ZNF385D: variants seen among roughly 807,000 people sequenced by gnomAD.
The protein encoded by ZNF385D is zinc finger protein 385D.
Under a neutral mutation model 35.8 loss-of-function variants are expected in ZNF385D, and 15 were observed. The ratio of observed to expected loss-of-function variants is 0.42; its 90% CI spans 0.28 to 0.64. The LOEUF is 0.64. Among genes scored for constraint, ZNF385D ranks in the 30% least tolerant of loss-of-function variants. The pLI is 0.23. For missense variants in ZNF385D, 474 were observed against 494.6 expected (o/e 0.96, Z 0.39); for synonymous variants, 212 against 186.8 (o/e 1.13, Z -1.10).
intron 3 of ZNF385D, among the ~76,000 whole-genome samples, chr3:22,026,252 T>C (rs140622911): frequency 6.6e-6 from 1 of 152,170 alleles, no homozygotes; most frequent in African/African-American, 2.4e-5. Context: ...ATTTCAAGAC[T>C]TGACCCAGTT....
At chr3:21,939,822 AG>A (rs1701429893) in intron 3 of ZNF385D, among the ~76,000 whole-genome samples, 1 of 152,206 alleles carries the variant, frequency 6.6e-6, no homozygotes. Context: ...TATCATTGGA[AG>A]GGAAGGCCTC....
At chr3:21,444,380 T>G (rs957179042) in intron 4 of ZNF385D, among the ~76,000 whole-genome samples, 1 of 44,698 alleles carries the variant, frequency 2.2e-5, no homozygotes, top group African/African-American at 9.5e-5. Context: ...GCACCCGGCC[T>G]TTTTTTGTTT....
chr3:21,755,305 G>T (rs2070291411), upstream of ZNF385D, among the ~76,000 whole-genome samples: 1 of 152,166 alleles, frequency 6.6e-6, no homozygotes, highest in African/African-American at 2.4e-5. Context: ...AAAATGGTAT[G>T]ATCATGCCAC....
chr3:21,946,344 G>C (rs932714731), intron 3 of ZNF385D, among the ~76,000 whole-genome samples: 1 of 152,020 alleles, frequency 6.6e-6, no homozygotes, highest in Non-Finnish European at 1.5e-5. Flanking sequence ...TGTATATCAT[G>C]TACAAGAAAT....
chr3:21,978,504 T>C (rs962876860), intron 3 of ZNF385D, among the ~76,000 whole-genome samples: 5 of 152,230 alleles, frequency 3.3e-5, no homozygotes, highest in African/African-American at 1.2e-4. Context: ...TGTTCTGGTG[T>C]GACTTAAGTT....
In ZNF385D at chr3:21,608,023, G is replaced by GTTTTTTTTTGGTTTTTT. The variant is rs1553622610; in HGVS notation, c.166-43340_166-43339insAAAAAACCAAAAAAAAA. On this transcript the variant is annotated intron_variant, in intron 2 of 7. Transcript: ENST00000281523. ...TAATTCTTTTTCTTCTTTTTTTTTT[G>GTTTTTTTTTGGTTTTTT]TTTTTTTTTTTTGAGTCTTGCTGTC... Among the ~76,000 whole-genome samples, 132 of 120,210 alleles carry GTTTTTTTTTGGTTTTTT rather than the reference G, an allele frequency of 1.1e-3. 6 individuals are homozygous for GTTTTTTTTTGGTTTTTT. The highest frequency in any genetic ancestry group is 3.1e-3 in the East Asian group (12 of 3,838). The allele number at this position is 120,210 out of a possible 152,430, so 78.9% of individuals were successfully genotyped here. A position where few individuals can be genotyped will look rare whatever the true frequency, so the allele number is the denominator to read the frequency against.
At chr3:21,818,371 TC>T (rs1324106103) in intron 3 of ZNF385D, among the ~76,000 whole-genome samples, 1 of 152,202 alleles carries the variant, frequency 6.6e-6, no homozygotes, top group Non-Finnish European at 1.5e-5. Context: ...CTAAATGCCA[TC>T]TTTTCCCCTG....
intron 2 of ZNF385D, among the ~76,000 whole-genome samples, chr3:22,188,894 C>T (rs1218934620): frequency 6.6e-6 from 1 of 151,978 alleles, no homozygotes; most frequent in African/African-American, 2.4e-5. Flanking sequence ...ACACTGGTTA[C>T]AAAGACAAGT....
chr3:22,270,760 T>C (rs1435267839), intron 2 of ZNF385D, among the ~76,000 whole-genome samples: 2 of 152,022 alleles, frequency 1.3e-5, no homozygotes, highest in African/African-American at 4.8e-5. Context: ...GAATAAGTCG[T>C]AGTGAATCTT....
At chr3:21,593,669 G>A (rs973012626) in intron 2 of ZNF385D, among the ~76,000 whole-genome samples, 1 of 151,742 alleles carries the variant, frequency 6.6e-6, no homozygotes, top group Non-Finnish European at 1.5e-5. Flanking sequence ...AACATGAAAA[G>A]GGTTTATTTT....
chr3:21,749,539 T>C (rs1387409150), intron 1 of ZNF385D, among the ~76,000 whole-genome samples: 3 of 152,226 alleles, frequency 2.0e-5, no homozygotes, highest in African/African-American at 7.2e-5. Flanking sequence ...AATATATGCA[T>C]GATAAACTCT....
intron 2 of ZNF385D, among the ~76,000 whole-genome samples, chr3:21,577,351 A>T (rs1474898344): frequency 6.6e-6 from 1 of 152,198 alleles, no homozygotes; most frequent in Non-Finnish European, 1.5e-5. Context: ...ATTCTTCTTT[A>T]TGGCTGAATA....
At chr3:21,961,111 G>T (rs981294542) in intron 3 of ZNF385D, among the ~76,000 whole-genome samples, 5 of 151,928 alleles carry the variant, frequency 3.3e-5, no homozygotes, top group Admixed American at 6.6e-5. Context: ...GAGGAGACAC[G>T]TGTTAATTAT....
intron 3 of ZNF385D, among the ~76,000 whole-genome samples, chr3:22,008,112 C>T (rs1696332459): frequency 6.6e-6 from 1 of 151,956 alleles, no homozygotes; most frequent in African/African-American, 2.4e-5. Flanking sequence ...TTAGTTGACC[C>T]TTTATTATTA....
intron 2 of ZNF385D, among the ~76,000 whole-genome samples, chr3:22,244,049 G>C (rs1443980654): frequency 6.6e-6 from 1 of 150,682 alleles, no homozygotes; most frequent in East Asian, 2.0e-4. Context: ...TCTCTCACCA[G>C]AACAAAGTTA....
chr3:21,697,971 A>C (rs2067531119), intron 1 of ZNF385D, among the ~76,000 whole-genome samples: 1 of 152,156 alleles, frequency 6.6e-6, no homozygotes, highest in Admixed American at 6.6e-5. Flanking sequence ...TGGATATGGA[A>C]AAAATGGAAA....
chr3:21,761,652 T>C (rs766588356), intron 3 of ZNF385D, among the ~76,000 whole-genome samples: 1 of 152,036 alleles, frequency 6.6e-6, no homozygotes, highest in East Asian at 1.9e-4. Flanking sequence ...ATAAGACACT[T>C]TGGAGGAGTG....
At chr3:21,580,208 T>C (rs1244321807) in intron 2 of ZNF385D, among the ~76,000 whole-genome samples, 1 of 152,312 alleles carries the variant, frequency 6.6e-6, no homozygotes, top group African/African-American at 2.4e-5. Context: ...GTTTCTTGCC[T>C]GCCCCTGTTC....
intron 3 of ZNF385D, among the ~76,000 whole-genome samples, chr3:22,022,515 A>G (rs1370412453): frequency 6.6e-6 from 1 of 152,122 alleles, no homozygotes; most frequent in Non-Finnish European, 1.5e-5. Flanking sequence ...AACTGTTTGT[A>G]CTTATAGCAA....
Sources: gnomAD v4.1 joint callset for allele counts (sites outside exome capture counted in the v4.1 genomes callset) on GRCh38, gnomAD v4.1.1 for gene constraint, MANE v1.5 for transcripts, NCBI Gene and HGNC (gene_info 2026-07-23, HGNC 2026-07-21) for gene names.